PGLS: variants seen among roughly 807,000 people sequenced by gnomAD.
PGLS encodes epididymis secretory protein Li 304.
Under a neutral mutation model 23.2 loss-of-function variants are expected in PGLS, and 21 were observed. The ratio of observed to expected loss-of-function variants is 0.91; its 90% CI spans 0.64 to 1.31. The LOEUF (loss-of-function observed/expected upper bound fraction) is 1.31, where lower values mean the gene tolerates loss of function less well. Among genes scored for constraint, PGLS ranks in the 50% most tolerant of loss-of-function variants. The pLI, the probability that PGLS is intolerant of heterozygous loss-of-function variation, is 0.00. For missense variants in PGLS, 410 were observed against 354.0 expected (o/e 1.16, Z -1.27); for synonymous variants, 179 against 165.4 (o/e 1.08, Z -0.63).
At chr19:17,520,806 C>T (rs1317462968) in intron 4 of PGLS, 138 bp from the exon 5 acceptor site, 2 of 851,596 alleles carry the variant, frequency 2.3e-6, no homozygotes, top group Admixed American at 7.6e-5. Context: ...CTGTTTGGCA[C>T]TAGGACAGCT....
chr19:17,521,028 G>C lies in PGLS; in HGVS notation c.724G>C (p.Glu242Gln), dbSNP rs551367306. The C allele has an allele frequency of 6.2e-7, 1 of 1,601,270 alleles. No homozygotes were observed. The highest frequency in any genetic ancestry group is 8.5e-7 in the Non-Finnish European group (1 of 1,173,310). The change falls in exon 5 of 5, where the codon GAG becomes CAG. Residue 242 changes from glutamate (E) to glutamine (Q), a missense_variant. Glu to Gln is a conservative substitution (Grantham distance 29). Coordinates refer to ENST00000252603, the MANE Select transcript of PGLS (RefSeq NM_012088.3). ...CGGGAAACTGTGCTGGTTCTTGGACGAGGCGGCCGCCCGCCTCCTGACCGT... is the reference window on the plus strand; with the variant it reads ...CGGGAAACTGTGCTGGTTCTTGGACCAGGCGGCCGCCCGCCTCCTGACCGT... ...HTGKLCWFLD[E>Q]AAARLLTVPF...
chr19:17,517,958 T>A, intron 4 of PGLS, 108 bp downstream of exon 4: 2 of 1,033,094 alleles, frequency 1.9e-6, no homozygotes, highest in Non-Finnish European at 2.7e-6. Flanking sequence ...TGAAGAAAAC[T>A]CAGTCATTCT....
rs553527478 is a variant in PGLS at position 17,515,873 on chromosome 19, A to C, written c.289-300A>C. ...CCACCATGATCCCGATTCACCCAGGAGGGCCACCCTCCCGTCCAGCCCCCC... is the reference window on the plus strand; with the variant it reads ...CCACCATGATCCCGATTCACCCAGGCGGGCCACCCTCCCGTCCAGCCCCCC... On this transcript the variant is annotated intron_variant, in intron 1 of 4. Coordinates refer to ENST00000252603, the MANE Select transcript of PGLS (RefSeq NM_012088.3). 1.5e-4 allele frequency: 42 copies of C among 289,500 alleles called. No homozygotes were observed. In the East Asian group the frequency reaches 2.9e-3, roughly 20 times the overall value. 17.9% of individuals were successfully genotyped at this position (289,500 alleles called of 1,614,324 possible).
chr19:17,517,952 G>A, intron 4 of PGLS, 102 bp downstream of exon 4: 84 of 1,028,254 alleles, frequency 8.2e-5, no homozygotes, highest in South Asian at 2.4e-4. Context: ...CAGATCTGAA[G>A]AAAACTCAGT....
rs1347563429 is a variant in PGLS at position 17,511,787 on chromosome 19, G to T, written c.115G>T (p.Ala39Ser). ...RAACCLAGAR[A>S]RFALGLSGGS... is the part of the protein sequence containing the mutation. ...AGCATGCTGCCTGGCAGGGGCCCGCGCCCGTTTCGCGCTCGGCCTGTCGGG... is the reference window on the plus strand; with the variant it reads ...AGCATGCTGCCTGGCAGGGGCCCGCTCCCGTTTCGCGCTCGGCCTGTCGGG... Residue 39 changes from alanine to serine, a missense_variant, in exon 1 of 5, where the codon GCC (alanine) becomes TCC (serine). Transcript: ENST00000252603. 15 of 1,497,158 alleles carry T rather than the reference G, an allele frequency of 1.0e-5. No individual in the cohort carries two copies. In the East Asian group the frequency reaches 3.8e-4, roughly 38 times the overall value. 92.7% of individuals were successfully genotyped at this position (1,497,158 alleles called of 1,614,324 possible).
chr19:17,515,999 T>G (rs1733399761), intron 1 of PGLS, 174 bp from the exon 2 acceptor site: 1 of 542,450 alleles, frequency 1.8e-6, no homozygotes, highest in Admixed American at 2.6e-5. Context: ...CAGAGGTGAC[T>G]CACCAACCAA....
At chr19:17,515,423 T>C (rs1198594343) in intron 1 of PGLS, among the ~76,000 whole-genome samples, 1 of 151,554 alleles carries the variant, frequency 6.6e-6, no homozygotes, top group Non-Finnish European at 1.5e-5. Flanking sequence ...CGCCTCTCAG[T>C]GGGATAGGGC....
intron 2 of PGLS, chr19:17,516,583 CTTTTTT>C: frequency 1.4e-6 from 1 of 709,616 alleles, no homozygotes; most frequent in African/African-American, 1.9e-5. Flanking sequence ...ACTTGTATTT[CTTTTTT>C]TTTTTTTTTC....
At chr19:17,517,589 C>T in intron 3 of PGLS, 121 bp from the exon 4 acceptor site, 1 of 1,182,648 alleles carries the variant, frequency 8.5e-7, no homozygotes, top group East Asian at 2.4e-5. Flanking sequence ...AAACTACCCA[C>T]CATGGGATTG....
chr19:17,512,463 G>A, intron 1 of PGLS: 1 of 158,814 alleles, frequency 6.3e-6, no homozygotes, highest in South Asian at 1.5e-4. Context: ...AGTGGCCCAT[G>A]TCAAACGATG....
rs2075508352 is a variant in PGLS at position 17,511,847 on chromosome 19, C to T, written c.175C>T (p.Pro59Ser). The stretch of plus-strand genomic sequence containing the variant: ...CGTCTCGATGCTAGCCCGCGAGCTA[C>T]CCGCCGCCGTCGCCCCTGCCGGGCC... ...SLVSMLAREL[P>S]AAVAPAGPAS... Residue 59 changes from proline (P) to serine (S), a missense_variant, in exon 1 of 5, where the codon CCC (proline) becomes TCC (serine). Physicochemically the swap from Pro to Ser is moderately conservative, Grantham distance 74 (BLOSUM62 -1). Transcript: ENST00000252603. 2.0e-6 allele frequency: 3 copies of T among 1,530,606 alleles called. No individual in the cohort carries two copies. Among genetic ancestry groups the T allele is most frequent in the Non-Finnish European group, 2.6e-6 (3 of 1,142,182 alleles). The allele number at this position is 1,530,606 out of a possible 1,614,324, so 94.8% of individuals were successfully genotyped here.
Position 17,511,836 on chromosome 19 carries a change from C to T in PGLS, c.164C>T (p.Ala55Val). ...LSGGSLVSMLARELPAAVAPA... is the reference protein window; with the variant it reads ...LSGGSLVSMLVRELPAAVAPA... ...GGCGGGAGCCTCGTCTCGATGCTAG[C>T]CCGCGAGCTACCCGCCGCCGTCGCC... The change falls in exon 1 of 5, where the codon GCC (alanine) becomes GTC (valine). Residue 55 changes from alanine to valine, a missense_variant. By Grantham distance (64) the Ala-to-Val change is moderately conservative (BLOSUM62 0). Transcript: ENST00000252603. The T allele has an allele frequency of 6.5e-7, 1 of 1,529,140 alleles. No homozygotes were observed. Among genetic ancestry groups the T allele is most frequent in the Non-Finnish European group, 8.8e-7 (1 of 1,142,176 alleles). 94.7% of individuals were successfully genotyped at this position (1,529,140 alleles called of 1,614,324 possible).
chr19:17,512,291 C>G (rs758059285), intron 1 of PGLS: 2 of 381,310 alleles, frequency 5.2e-6, no homozygotes, highest in South Asian at 3.1e-5. Flanking sequence ...AGGGCTCGCC[C>G]GCCTCCTGAA....
At position 17,511,943 on chromosome 19, in the gene PGLS, A is replaced by C; in HGVS notation, c.271A>C (p.Thr91Pro). ...RLVPFDHAESTYGLYRTHLLS... is the reference protein window; with the variant it reads ...RLVPFDHAESPYGLYRTHLLS... ...CGTGCCCTTCGATCACGCCGAGAGC[A>C]CGTACGGCCTCTACCGGGTGAGAGC... The change falls in exon 1 of 5, where the codon ACG becomes CCG. Residue 91 changes from threonine to proline, a missense_variant. Thr to Pro is a conservative substitution (Grantham distance 38). Coordinates refer to ENST00000252603, the MANE Select transcript of PGLS (RefSeq NM_012088.3). 2 of 1,550,030 alleles carry C rather than the reference A, an allele frequency of 1.3e-6. No individual in the cohort carries two copies. Among genetic ancestry groups the C allele is most frequent in the Non-Finnish European group, 1.7e-6 (2 of 1,149,592 alleles).
At chr19:17,515,571 G>A (rs1366011609) in intron 1 of PGLS, among the ~76,000 whole-genome samples, 1 of 152,168 alleles carries the variant, frequency 6.6e-6, no homozygotes, top group African/African-American at 2.4e-5. Context: ...TCCCTGTAGT[G>A]GGGCAGGTGC....
chr19:17,515,951 G>A (rs1385422456), intron 1 of PGLS: 4 of 444,222 alleles, frequency 9.0e-6, no homozygotes, highest in Middle Eastern at 7.0e-4. Flanking sequence ...CTGACAGGCG[G>A]CGTCACCCAG....
In PGLS at chr19:17,511,698, T is replaced by A; in HGVS notation, c.26T>A (p.Ile9Asn). ...ATGGCCGCGCCGGCCCCGGGCCTCA[T>A]CTCGGTGTTCTCGAGTTCCCAGGAG... is the stretch of plus-strand genomic sequence containing the variant. Reference protein sequence around the residue: MAAPAPGLISVFSSSQELG... With the variant: MAAPAPGLNSVFSSSQELG... Residue 9 changes from isoleucine to asparagine, a missense_variant, in exon 1 of 5, where the codon ATC becomes AAC. Coordinates refer to ENST00000252603, the MANE Select transcript of PGLS (RefSeq NM_012088.3). The A allele has an allele frequency of 6.6e-7, 1 of 1,507,850 alleles. No homozygotes were observed. Among genetic ancestry groups the A allele is most frequent in the Non-Finnish European group, 8.8e-7 (1 of 1,135,106 alleles). The allele number at this position is 1,507,850 out of a possible 1,614,324, so 93.4% of individuals were successfully genotyped here.
chr19:17,520,816 T>G, intron 4 of PGLS, 128 bp from the exon 5 acceptor site: 4 of 1,015,750 alleles, frequency 3.9e-6, no homozygotes, highest in Non-Finnish European at 5.4e-6. Context: ...CTAGGACAGC[T>G]GAGCTGGGCA....
At chr19:17,516,802 T>G (rs1431328823) in intron 2 of PGLS, among the ~76,000 whole-genome samples, 1 of 151,330 alleles carries the variant, frequency 6.6e-6, no homozygotes, top group East Asian at 2.0e-4. Flanking sequence ...TTAGCCAGGA[T>G]GGTCTCGATC....
Sources: gnomAD v4.1 joint callset for allele counts (sites outside exome capture counted in the v4.1 genomes callset) on GRCh38, gnomAD v4.1.1 for gene constraint, MANE v1.5 for transcripts, NCBI Gene and HGNC (gene_info 2026-07-23, HGNC 2026-07-21) for gene names.